The following SLC29A3 variants were observed in gnomAD, a reference collection of about 807,000 sequenced individuals.
SLC29A3 encodes equilibrative nucleoside transporter 3.
A neutral mutation model predicts 25.4 loss-of-function variants in SLC29A3; 18 were observed. The ratio of observed to expected loss-of-function variants is 0.71; its 90% CI spans 0.49 to 1.05. The LOEUF (loss-of-function observed/expected upper bound fraction) is 1.05, where lower values mean the gene tolerates loss of function less well. Among genes scored for constraint, SLC29A3 ranks in the 50% least tolerant of loss-of-function variants. The pLI is 0.00. For missense variants in SLC29A3, 586 were observed against 609.0 expected (o/e 0.96, Z 0.40); for synonymous variants, 258 against 267.1 (o/e 0.97, Z 0.33).
chr10:71,339,410 G>A (rs1051374683), intron 2 of SLC29A3, among the ~76,000 whole-genome samples: 4 of 152,182 alleles, frequency 2.6e-5, no homozygotes, highest in African/African-American at 4.8e-5. Flanking sequence ...ATAGTGGTGC[G>A]CAGGGAGATC....
At chr10:71,358,947 G>T (rs771899869) in intron 5 of SLC29A3, among the ~76,000 whole-genome samples, 5 of 152,124 alleles carry the variant, frequency 3.3e-5, no homozygotes, top group Non-Finnish European at 5.9e-5. Context: ...GTCTCACTCT[G>T]TCGCCCAGGT....
chr10:71,327,718 C>T (rs1238258417), intron 2 of SLC29A3, among the ~76,000 whole-genome samples: 1 of 110,780 alleles, frequency 9.0e-6, no homozygotes, highest in African/African-American at 3.5e-5. Context: ...ACCCCCCACC[C>T]CCACACTTTG....
At chr10:71,329,236 T>A (rs770031564) in intron 2 of SLC29A3, among the ~76,000 whole-genome samples, 17 of 152,168 alleles carry the variant, frequency 1.1e-4, no homozygotes, top group Non-Finnish European at 1.5e-4. Flanking sequence ...ATAACCAGCG[T>A]GTTCTCCAAG....
chr10:71,323,121 G>A, intron 2 of SLC29A3, 67 bp downstream of exon 2: 1 of 1,584,666 alleles, frequency 6.3e-7, no homozygotes, highest in Non-Finnish European at 8.6e-7. Context: ...ACATGCAGGG[G>A]AAGATGGAGA....
At chr10:71,332,586 G>T (rs1304632532) in intron 2 of SLC29A3, among the ~76,000 whole-genome samples, 1 of 152,204 alleles carries the variant, frequency 6.6e-6, no homozygotes, top group Non-Finnish European at 1.5e-5. Flanking sequence ...TGGGGAGTCT[G>T]AGGTCAGGCA....
intron 3 of SLC29A3, among the ~76,000 whole-genome samples, chr10:71,344,546 T>A (rs968937836): frequency 1.1e-4 from 16 of 152,180 alleles, no homozygotes; most frequent in Admixed American, 1.0e-3. Context: ...CAGTGGGAAG[T>A]GTGTGGGGAT....
At position 71,356,193 on chromosome 10, in the gene SLC29A3, C is replaced by T. The variant is rs763353584; in HGVS notation, c.723C>T (p.Leu241=). 3 of 1,614,036 alleles carry T rather than the reference C, an allele frequency of 1.9e-6. No homozygotes were observed. The highest frequency in any genetic ancestry group is 1.3e-5 in the African/African-American group (1 of 74,930). The change falls in exon 5 of 6, where the codon CTC becomes CTT. Residue 241 remains leucine, a synonymous_variant. Coordinates refer to ENST00000373189, the MANE Select transcript of SLC29A3 (RefSeq NM_018344.6). ...TCTTCCTGACGGCCACTGTCTTCCTCGTGCTCTGCATGGGACTCTACCTGC... is the reference window on the plus strand; with the variant it reads ...TCTTCCTGACGGCCACTGTCTTCCTTGTGCTCTGCATGGGACTCTACCTGC... ...LAFFLTATVF[L]VLCMGLYLLL... is the part of the protein sequence containing the mutation.
chr10:71,371,071 G>A (rs977071534), intron 3 of SLC29A3, among the ~76,000 whole-genome samples: 15 of 152,062 alleles, frequency 9.9e-5, no homozygotes, highest in African/African-American at 2.9e-4. Flanking sequence ...GTGAGTCATC[G>A]CGCTTGGCCC....
chr10:71,357,558 G>A (rs1263844836), intron 5 of SLC29A3, among the ~76,000 whole-genome samples: 3 of 152,148 alleles, frequency 2.0e-5, no homozygotes, highest in Non-Finnish European at 4.4e-5. Context: ...GCACAAAGAG[G>A]TTAAATTATT....
At chr10:71,357,001 G>A (rs961034837) in intron 5 of SLC29A3, among the ~76,000 whole-genome samples, 6 of 152,326 alleles carry the variant, frequency 3.9e-5, no homozygotes, top group African/African-American at 7.2e-5. Flanking sequence ...AGGCTGGAGT[G>A]CAGGGATGCA....
At chr10:71,333,627 C>T (rs886137669) in intron 2 of SLC29A3, among the ~76,000 whole-genome samples, 2 of 152,280 alleles carry the variant, frequency 1.3e-5, no homozygotes, top group Non-Finnish European at 2.9e-5. Context: ...AGCCTTGTGA[C>T]ACTGATGCAC....
At chr10:71,361,130 CTGTTTTGTTTTGTTT>C (rs79643634) in intron 5 of SLC29A3, among the ~76,000 whole-genome samples, 99 of 152,060 alleles carry the variant, frequency 6.5e-4, no homozygotes, top group African/African-American at 2.2e-3. Context: ...ATTGGTTTTT[CTGTTTTGTTTTGTTT>C]TGTTTTGTTT....
intron 1 of SLC29A3, 143 bp downstream of exon 1, chr10:71,319,453 C>T (rs903125728): frequency 2.2e-6 from 1 of 456,540 alleles, no homozygotes; most frequent in South Asian, 3.7e-5. Flanking sequence ...GTGGTCCCTT[C>T]CCCACCGTCC....
chr10:71,371,312 C>T (rs1182385305), intron 3 of SLC29A3, among the ~76,000 whole-genome samples: 2 of 152,174 alleles, frequency 1.3e-5, no homozygotes, highest in Non-Finnish European at 2.9e-5. Flanking sequence ...CCGCCCCACT[C>T]CTTGGAGTTT....
chr10:71,374,831 T>C (rs958083817), intron 3 of SLC29A3, among the ~76,000 whole-genome samples: 1 of 152,198 alleles, frequency 6.6e-6, no homozygotes, highest in African/African-American at 2.4e-5. Context: ...CAGACACTGT[T>C]TGACAGTGCA....
At position 71,362,418 on chromosome 10, in the gene SLC29A3, T is replaced by G; in HGVS notation, c.1238T>G (p.Val413Gly). The change falls in exon 6 of 6, where the codon GTG becomes GGG. Residue 413 changes from valine (V) to glycine (G), a missense_variant. Transcript: ENST00000373189. ...HLKTVVFQSDVYPALLSSLLG... is the reference protein window; with the variant it reads ...HLKTVVFQSDGYPALLSSLLG... ...AAGACTGTGGTCTTCCAGTCCGATG[T>G]GTACCCCGCACTCCTCAGCTCCCTG... 6.2e-7 allele frequency: 1 copy of G among 1,614,206 alleles called. No homozygotes were observed. Among genetic ancestry groups the G allele is most frequent in the Non-Finnish European group, 8.5e-7 (1 of 1,180,038 alleles).
chr10:71,345,969 C>G (rs1846566683), intron 3 of SLC29A3, among the ~76,000 whole-genome samples: 1 of 152,216 alleles, frequency 6.6e-6, no homozygotes. Flanking sequence ...GCTCCCAGCC[C>G]CTTCCAGTTC....
intron 2 of SLC29A3, among the ~76,000 whole-genome samples, chr10:71,325,836 G>C (rs1298456107): frequency 6.6e-6 from 1 of 151,798 alleles, no homozygotes; most frequent in Non-Finnish European, 1.5e-5. Flanking sequence ...GAAGGGCACA[G>C]TAGAGTTTGT....
chr10:71,327,783 C>T (rs535676787), intron 2 of SLC29A3, among the ~76,000 whole-genome samples: 7 of 144,776 alleles, frequency 4.8e-5, no homozygotes, highest in Non-Finnish European at 7.5e-5. Context: ...GGTCTGGCCT[C>T]CTTTTCCAGC....
Sources: gnomAD v4.1 joint callset for allele counts (sites outside exome capture counted in the v4.1 genomes callset) on GRCh38, gnomAD v4.1.1 for gene constraint, MANE v1.5 for transcripts, NCBI Gene and HGNC (gene_info 2026-07-23, HGNC 2026-07-21) for gene names.